The following PIGS variants were observed in gnomAD, a reference collection of about 807,000 sequenced individuals.
The protein encoded by PIGS is GPI-anchor transamidase component PIGS.
PIGS carries 37 observed loss-of-function variants against 58.2 expected under a neutral mutation model. The ratio of observed to expected loss-of-function variants is 0.64; its 90% CI spans 0.49 to 0.84. The LOEUF is 0.84. Ranked by LOEUF, PIGS falls within the 40% of genes least tolerant of loss-of-function variation. The probability of loss-of-function intolerance (pLI) is 0.00; values close to 1 mark genes in which losing one functional copy is unlikely to be tolerated. For missense variants in PIGS, 629 were observed against 710.8 expected, an observed-to-expected ratio of 0.88 and a Z score of 1.31; for synonymous variants, 269 against 289.2, an observed-to-expected ratio of 0.93 and a Z score of 0.71.
intron 2 of PIGS, 23 bp from the exon 3 acceptor site, chr17:28,570,986 C>T: frequency 6.2e-7 from 1 of 1,614,208 alleles, no homozygotes; most frequent in Non-Finnish European, 8.5e-7. Flanking sequence ...GCATCAGGGC[C>T]GTCACTGAGT....
At position 28,553,804 on chromosome 17, in the gene PIGS, A is replaced by G. The variant is rs2070306031; in HGVS notation, c.*416T>C. 2 of 191,256 alleles carry G rather than the reference A, an allele frequency of 1.0e-5. No individual in the cohort carries two copies. Among genetic ancestry groups the G allele is most frequent in the Non-Finnish European group, 2.2e-5 (2 of 92,102 alleles). 11.8% of individuals were successfully genotyped at this position (191,256 alleles called of 1,614,324 possible). ...GACCAATGCCTGGCCCCTTCATGAC[A>G]GCAGGGGCTAGGGCTGTCCCACAGG... On this transcript the variant is annotated 3_prime_UTR_variant, in exon 12 of 12. Transcript: ENST00000308360.
In PIGS at chr17:28,563,556, A is replaced by C. The variant is rs748478943; in HGVS notation, c.377-34T>G. On this transcript the variant is annotated intron_variant, in intron 4 of 11. Coordinates refer to ENST00000308360, the MANE Select transcript of PIGS (RefSeq NM_033198.4). The stretch of plus-strand genomic sequence containing the variant: ...AAGAACAGGTGGTACACCAAGAGCA[A>C]AACACCATTCCATCTCCCCCCAGCC... The C allele has an allele frequency of 1.9e-6, 3 of 1,581,180 alleles. No homozygotes were observed. In the East Asian group the frequency reaches 6.7e-5, roughly 35 times the overall value.
intron 3 of PIGS, among the ~76,000 whole-genome samples, chr17:28,568,111 T>G (rs979752187): frequency 6.6e-6 from 1 of 152,176 alleles, no homozygotes; most frequent in African/African-American, 2.4e-5. Flanking sequence ...TTGTCTTTTT[T>G]TCTTTTTTTT....
At chr17:28,565,574 GAAGA>G (rs2070389128) in intron 3 of PIGS, among the ~76,000 whole-genome samples, 3 of 152,162 alleles carry the variant, frequency 2.0e-5, no homozygotes, top group Admixed American at 2.0e-4. Context: ...CTTCCAGAAA[GAAGA>G]AATGACAGAA....
At chr17:28,557,157 A>G (rs1424607558) in intron 8 of PIGS, 185 bp from the exon 9 acceptor site, 7 of 623,076 alleles carry the variant, frequency 1.1e-5, no homozygotes, top group Non-Finnish European at 1.9e-5. Context: ...GATGTGCCAT[A>G]CCGATGGAAA....
chr17:28,568,314 G>A (rs1304622282), intron 3 of PIGS, among the ~76,000 whole-genome samples: 1 of 152,054 alleles, frequency 6.6e-6, no homozygotes, highest in Non-Finnish European at 1.5e-5. Flanking sequence ...TGTTAGCCGG[G>A]CTGGTCTCAA....
In PIGS at chr17:28,570,917, A is replaced by G. The variant is rs2070423276; in HGVS notation, c.221T>C (p.Val74Ala). 6.2e-7 allele frequency: 1 copy of G among 1,614,066 alleles called. No individual in the cohort carries two copies. The highest frequency in any genetic ancestry group is 1.7e-5 in the Admixed American group (1 of 60,010). Residue 74 changes from valine to alanine, a missense_variant, in exon 3 of 12, where the codon GTG becomes GCG. Val to Ala is a moderately conservative substitution (Grantham distance 64). Transcript: ENST00000308360. ...PVTVVFTRESVPLDDQEKLPF... is the reference protein window; with the variant it reads ...PVTVVFTRESAPLDDQEKLPF... ...CAGCTTCTCCTGGTCGTCCAGGGGC[A>G]CTGACTCCCGCGTAAACACGACAGT...
intron 3 of PIGS, among the ~76,000 whole-genome samples, chr17:28,570,177 G>T (rs1275256442): frequency 6.6e-6 from 1 of 151,870 alleles, no homozygotes; most frequent in African/African-American, 2.4e-5. Flanking sequence ...CTAAATTCTT[G>T]GTACCTAAAA....
chr17:28,562,101 C>T (rs1161335686), intron 5 of PIGS, among the ~76,000 whole-genome samples: 1 of 152,214 alleles, frequency 6.6e-6, no homozygotes. Context: ...GATTCAACTA[C>T]ATAATTATGG....
intron 3 of PIGS, among the ~76,000 whole-genome samples, chr17:28,566,226 C>CAA (rs35456812): frequency 1.1e-4 from 6 of 55,578 alleles, no homozygotes; most frequent in Admixed American, 2.2e-4. Flanking sequence ...GACCCTATCT[C>CAA]AAAAAAAAAA....
intron 6 of PIGS, 108 bp from the exon 7 acceptor site, chr17:28,560,299 CTTT>C: frequency 3.7e-6 from 5 of 1,362,188 alleles, no homozygotes; most frequent in Non-Finnish European, 5.0e-6. Flanking sequence ...AATGGGGCTG[CTTT>C]CCATCATGGA....
intron 3 of PIGS, among the ~76,000 whole-genome samples, chr17:28,566,796 A>G (rs2070397199): frequency 6.7e-6 from 1 of 149,198 alleles, no homozygotes; most frequent in Non-Finnish European, 1.5e-5. Flanking sequence ...GTTTCACTAC[A>G]TTGCCCAGGC....
chr17:28,554,728 G>A, intron 11 of PIGS, 123 bp downstream of exon 11: 2 of 1,351,528 alleles, frequency 1.5e-6, no homozygotes. Flanking sequence ...AGGAAGGCTG[G>A]GACACTAAAG....
intron 3 of PIGS, among the ~76,000 whole-genome samples, chr17:28,565,901 T>C (rs576061833): frequency 5.9e-5 from 9 of 152,212 alleles, no homozygotes; most frequent in Admixed American, 3.9e-4. Flanking sequence ...ATGGTGTCTG[T>C]GCACTTGTAG....
intron 10 of PIGS, chr17:28,555,801 T>C (rs1249325462): frequency 5.0e-6 from 1 of 200,702 alleles, no homozygotes; most frequent in African/African-American, 2.4e-5. Context: ...AAACCCCGTT[T>C]CTACTAAAAT....
intron 8 of PIGS, 27 bp downstream of exon 8, chr17:28,558,449 G>C (rs2151512270): frequency 6.4e-7 from 1 of 1,565,830 alleles, no homozygotes; most frequent in Middle Eastern, 1.7e-4. Context: ...TGGCAGAAAA[G>C]AAAGACCCTC....
rs1445610096 is a variant in PIGS at position 28,554,439 on chromosome 17, G to A, written c.1449C>T (p.His483=). Residue 483 remains histidine (H), a synonymous_variant, in exon 12 of 12, where the codon CAC becomes CAT. Transcript: ENST00000308360. ...GGCTGGCGACAAAGGCAGATGCCAG[G>A]TGCCCAGACGCCAACTCTTCTGCCG... ...QKSAEELASG[H]LASAFVASQE... 1.9e-6 allele frequency: 3 copies of A among 1,614,092 alleles called. No individual in the cohort carries two copies. Among genetic ancestry groups the A allele is most frequent in the Admixed American group, 1.7e-5 (1 of 60,004 alleles).
Position 28,554,905 on chromosome 17 carries a change from C to T in PIGS, c.1338G>A (p.Ala446=), listed in dbSNP as rs146249165. 277 of 1,613,988 alleles carry T rather than the reference C, an allele frequency of 1.7e-4. No homozygotes were observed. Among genetic ancestry groups the T allele is most frequent in the Non-Finnish European group, 2.0e-4 (239 of 1,180,016 alleles). Residue 446 remains alanine (A), a synonymous_variant, in exon 11 of 12, where the codon GCG becomes GCA. Transcript: ENST00000308360. ...TGTTGCTGATCTTGCCCAGAAGCTG[C>T]GCCAGGGAGGTAAGGGTGGTGGTGG... ...ATATTTLTSL[A]QLLGKISNIV... is the part of the protein sequence containing the mutation.
chr17:28,556,652 T>G, intron 9 of PIGS, 175 bp downstream of exon 9: 1 of 819,016 alleles, frequency 1.2e-6, no homozygotes, highest in South Asian at 1.8e-5. Flanking sequence ...GAAACAAAAG[T>G]GGGGCCGGCA....
Sources: gnomAD v4.1 joint callset for allele counts (sites outside exome capture counted in the v4.1 genomes callset) on GRCh38, gnomAD v4.1.1 for gene constraint, MANE v1.5 for transcripts, NCBI Gene and HGNC (gene_info 2026-07-23, HGNC 2026-07-21) for gene names.